The following SLC4A4 variants were observed in gnomAD, a reference collection of about 807,000 sequenced individuals.
SLC4A4 encodes the protein electrogenic sodium bicarbonate cotransporter 1.
Under a neutral mutation model 111.5 loss-of-function variants are expected in SLC4A4, and 27 were observed. That is an observed-to-expected ratio of 0.24 (90% CI 0.18 to 0.33). The LOEUF is 0.33. Ranked by LOEUF, SLC4A4 falls within the 10% of genes least tolerant of loss-of-function variation. The pLI is 1.00. For missense variants in SLC4A4, 909 were observed against 1,315.5 expected (o/e 0.69, Z 4.78); for synonymous variants, 443 against 463.4 (o/e 0.96, Z 0.57).
At chr4:71,207,670 A>G (rs1364846072) in intron 1 of SLC4A4, among the ~76,000 whole-genome samples, 1 of 152,202 alleles carries the variant, frequency 6.6e-6, no homozygotes, top group Non-Finnish European at 1.5e-5. Context: ...TTCTCCATCA[A>G]TTACTTCATG....
intron 4 of SLC4A4, 112 bp downstream of exon 4, chr4:71,339,617 C>A: frequency 1.0e-6 from 1 of 991,108 alleles, no homozygotes. Flanking sequence ...GGCCAATGGG[C>A]ATGATGTTGG....
At chr4:71,490,917 T>C (rs1729841523) in intron 15 of SLC4A4, among the ~76,000 whole-genome samples, 1 of 151,772 alleles carries the variant, frequency 6.6e-6, no homozygotes, top group Non-Finnish European at 1.5e-5. Flanking sequence ...GCCACTGCAC[T>C]CCAGACTGAG....
At chr4:71,184,849 T>C (rs1485254089), upstream of SLC4A4, among the ~76,000 whole-genome samples, 1 of 152,174 alleles carries the variant, frequency 6.6e-6, no homozygotes, top group East Asian at 1.9e-4. Context: ...TACTGGACAC[T>C]AATCAATAGG....
At position 71,339,402 on chromosome 4, in the gene SLC4A4, T is replaced by C. The variant is rs1728702507; in HGVS notation, c.286T>C (p.Leu96=). 1 of 1,614,132 alleles carries C rather than the reference T, an allele frequency of 6.2e-7. No individual in the cohort carries two copies. Among genetic ancestry groups the C allele is most frequent in the African/African-American group, 1.3e-5 (1 of 75,026 alleles). Residue 96 remains leucine, a synonymous_variant, in exon 4 of 26, where the codon TTG becomes CTG. Coordinates refer to ENST00000264485, the MANE Select transcript of SLC4A4 (RefSeq NM_001098484.3). ...SPAAERIRFI[L]GEEDDSPAPP... The stretch of plus-strand genomic sequence containing the variant: ...TGCTGCAGAACGCATCCGATTCATC[T>C]TGGGAGAGGAGGATGACAGCCCAGC...
At chr4:71,410,775 T>G (rs150769521) in intron 7 of SLC4A4, among the ~76,000 whole-genome samples, 1 of 152,308 alleles carries the variant, frequency 6.6e-6, no homozygotes, top group East Asian at 1.9e-4. Context: ...GGAATAAATC[T>G]GAATTTAGAA....
intron 1 of SLC4A4, among the ~76,000 whole-genome samples, chr4:71,194,434 G>A (rs749876663): frequency 5.3e-5 from 8 of 152,080 alleles, no homozygotes; most frequent in East Asian, 1.9e-4. Flanking sequence ...TTCTTAAACC[G>A]TTACTCTGAG....
intron 24 of SLC4A4, among the ~76,000 whole-genome samples, chr4:71,564,996 G>A (rs1737330141): frequency 6.6e-6 from 1 of 151,690 alleles, no homozygotes; most frequent in Admixed American, 6.6e-5. Flanking sequence ...CTGGGGCTGA[G>A]TCTCTGAAGA....
At chr4:71,209,280 G>A (rs1004870060) in intron 1 of SLC4A4, among the ~76,000 whole-genome samples, 1 of 152,098 alleles carries the variant, frequency 6.6e-6, no homozygotes, top group African/African-American at 2.4e-5. Flanking sequence ...CATCTATTGA[G>A]CACTCTGTTA....
chr4:71,384,152 G>A (rs953236562), intron 6 of SLC4A4, among the ~76,000 whole-genome samples: 6 of 152,160 alleles, frequency 3.9e-5, no homozygotes, highest in African/African-American at 1.4e-4. Context: ...GATCACTTGA[G>A]GTCCTGAAGC....
At chr4:71,297,214 C>T (rs1205325033) in intron 3 of SLC4A4, among the ~76,000 whole-genome samples, 1 of 152,162 alleles carries the variant, frequency 6.6e-6, no homozygotes, top group Admixed American at 6.5e-5. Flanking sequence ...TCTACATTAA[C>T]TGTGCCCTGC....
At chr4:71,330,268 T>A (rs190584228) in intron 3 of SLC4A4, among the ~76,000 whole-genome samples, 1 of 152,290 alleles carries the variant, frequency 6.6e-6, no homozygotes, top group East Asian at 1.9e-4. Context: ...GCCTGTAGTT[T>A]TCCTTTTCTG....
chr4:71,071,672 C>T (rs558445944), intron 1 of SLC4A4, among the ~76,000 whole-genome samples: 3 of 152,280 alleles, frequency 2.0e-5, no homozygotes, highest in African/African-American at 7.2e-5. Flanking sequence ...AAAAATCTCA[C>T]AAATGGTAGC....
At chr4:71,443,266 T>C (rs1724936908) in intron 8 of SLC4A4, among the ~76,000 whole-genome samples, 1 of 151,080 alleles carries the variant, frequency 6.6e-6, no homozygotes, top group African/African-American at 2.4e-5. Flanking sequence ...TTCTCCTGCC[T>C]CAACCTCCTG....
chr4:71,474,778 G>A (rs537484956), intron 14 of SLC4A4, among the ~76,000 whole-genome samples: 16 of 151,984 alleles, frequency 1.1e-4, no homozygotes, highest in South Asian at 2.1e-4. Context: ...ATATAGTTAT[G>A]AAAGCTAACT....
At chr4:71,244,207 C>T (rs73828773) in intron 2 of SLC4A4, among the ~76,000 whole-genome samples, 2,790 of 152,242 alleles carry the variant, frequency 0.018, 78 homozygotes, top group African/African-American at 0.053. Flanking sequence ...AGTTTTTACT[C>T]GCTTTTATTC....
At chr4:71,318,489 G>A (rs1726869537) in intron 3 of SLC4A4, among the ~76,000 whole-genome samples, 1 of 152,010 alleles carries the variant, frequency 6.6e-6, no homozygotes, top group South Asian at 2.1e-4. Context: ...AGAAAATTTA[G>A]TGTTAGCTGA....
At chr4:71,284,429 C>T (rs554267850) in intron 3 of SLC4A4, among the ~76,000 whole-genome samples, 1 of 152,318 alleles carries the variant, frequency 6.6e-6, no homozygotes, top group East Asian at 1.9e-4. Context: ...CCTTTCATTA[C>T]ATTGACTCAG....
At chr4:71,285,440 C>G (rs960064383) in intron 3 of SLC4A4, among the ~76,000 whole-genome samples, 1 of 152,060 alleles carries the variant, frequency 6.6e-6, no homozygotes, top group Non-Finnish European at 1.5e-5. Context: ...TCACAGTCCT[C>G]TCATTCAGTG....
At chr4:71,388,860 T>A (rs1719004607) in intron 6 of SLC4A4, among the ~76,000 whole-genome samples, 1 of 152,230 alleles carries the variant, frequency 6.6e-6, no homozygotes, top group African/African-American at 2.4e-5. Context: ...CTAACCTACC[T>A]ATTTTAGATC....
Sources: allele counts gnomAD v4.1 joint callset (sites outside exome capture counted in the v4.1 genomes callset), GRCh38; gene constraint gnomAD v4.1.1; transcripts MANE v1.5; gene names NCBI Gene and HGNC (gene_info 2026-07-23, HGNC 2026-07-21).